Variants in PSD3 observed in about 807,000 individuals in gnomAD.
PSD3 encodes the protein pleckstrin and Sec7 domain containing 3.
PSD3 carries 49 observed loss-of-function variants against 105.5 expected under a neutral mutation model. That is an observed-to-expected ratio of 0.46 (90% CI 0.37 to 0.59). The LOEUF (loss-of-function observed/expected upper bound fraction) is 0.59. Ranked by LOEUF, PSD3 falls within the 20% of genes least tolerant of loss-of-function variation. The pLI is 0.00. For synonymous variants in PSD3, 557 were observed against 457.8 expected, an observed-to-expected ratio of 1.22 and a Z score of -2.77; for missense variants, 1,561 against 1,263.8, an observed-to-expected ratio of 1.24 and a Z score of -3.57.
intron 12 of PSD3, 75 bp from the exon 13 acceptor site, chr8:18,575,360 T>A: frequency 7.3e-7 from 1 of 1,373,194 alleles, no homozygotes; most frequent in Admixed American, 2.7e-5. Context: ...AAGCAAAAAC[T>A]AAAAAAATAG....
intron 9 of PSD3, among the ~76,000 whole-genome samples, chr8:18,743,058 T>C (rs1307353528): frequency 1.3e-5 from 2 of 152,230 alleles, no homozygotes; most frequent in South Asian, 4.1e-4. Context: ...TGGTTTTACT[T>C]AATAAATATT....
At chr8:19,024,483 C>G (rs1476895192) in intron 1 of PSD3, among the ~76,000 whole-genome samples, 1 of 152,112 alleles carries the variant, frequency 6.6e-6, no homozygotes, top group Non-Finnish European at 1.5e-5. Flanking sequence ...TGGGATAAAA[C>G]AAAATATATT....
At chr8:18,949,244 A>AAAAAAAAAATATATATATATAT (rs1345423514) in intron 1 of PSD3, among the ~76,000 whole-genome samples, 2 of 14,404 alleles carry the variant, frequency 1.4e-4, no homozygotes, top group Non-Finnish European at 3.6e-4. Flanking sequence ...AAAAAAAAAA[A>AAAAAAAAAATATATATATATAT]ATATATATAT....
At chr8:18,590,933 C>A (rs191504379) in intron 12 of PSD3, among the ~76,000 whole-genome samples, 1 of 152,004 alleles carries the variant, frequency 6.6e-6, no homozygotes, top group Non-Finnish European at 1.5e-5. Flanking sequence ...AAGAATAAGA[C>A]GCCAAAACTG....
chr8:18,618,929 G>A (rs533509897), intron 11 of PSD3, among the ~76,000 whole-genome samples: 2 of 152,178 alleles, frequency 1.3e-5, no homozygotes, highest in African/African-American at 4.8e-5. Context: ...CATGACCTTT[G>A]TGTCCAAAGA....
intron 11 of PSD3, among the ~76,000 whole-genome samples, chr8:18,632,376 T>C (rs762591220): frequency 6.6e-6 from 1 of 152,082 alleles, no homozygotes; most frequent in African/African-American, 2.4e-5. Context: ...AATGAATGGA[T>C]AGAGAATGAA....
chr8:18,801,784 C>T lies in PSD3; in HGVS notation c.1911-402G>A, dbSNP rs184808504. 2.4e-3 allele frequency among the ~76,000 whole-genome samples: 359 copies of T among 151,900 alleles called. 4 individuals are homozygous for T. Among genetic ancestry groups the T allele is most frequent in the African/African-American group, 8.3e-3 (342 of 41,434 alleles). ...CGGAGGTTGCAGTAAGCTGAGGTCG[C>T]GCCACTACACTCCAGCCTAGGCGAC... On this transcript the variant is annotated intron_variant, in intron 6 of 15. Transcript: ENST00000327040.
chr8:19,043,306 C>T (rs548006149), intron 1 of PSD3, among the ~76,000 whole-genome samples: 2 of 152,254 alleles, frequency 1.3e-5, no homozygotes, highest in South Asian at 4.1e-4. Context: ...GGTCAAAAAC[C>T]TTTCCATACA....
intron 2 of PSD3, among the ~76,000 whole-genome samples, chr8:18,916,602 G>A (rs776043539): frequency 6.6e-6 from 1 of 151,450 alleles, no homozygotes; most frequent in Non-Finnish European, 1.5e-5. Context: ...ATGAGGAGGT[G>A]TTGGTCAAAT....
intron 1 of PSD3, among the ~76,000 whole-genome samples, chr8:18,985,315 T>G (rs947254010): frequency 6.6e-6 from 1 of 152,174 alleles, no homozygotes; most frequent in East Asian, 1.9e-4. Context: ...TGTAAAATTA[T>G]GAGCCTTTGG....
chr8:18,702,100 G>T (rs765729713), intron 9 of PSD3, among the ~76,000 whole-genome samples: 2 of 152,184 alleles, frequency 1.3e-5, no homozygotes. Context: ...CAGATACTCC[G>T]ACTGATATTT....
At chr8:18,944,549 C>T (rs574045150) in intron 1 of PSD3, among the ~76,000 whole-genome samples, 7 of 150,860 alleles carry the variant, frequency 4.6e-5, no homozygotes, top group Admixed American at 3.3e-4. Flanking sequence ...CCAGCCTGGG[C>T]GACAGAGTGA....
At chr8:18,656,135 G>A (rs917129371) in intron 9 of PSD3, among the ~76,000 whole-genome samples, 2 of 152,106 alleles carry the variant, frequency 1.3e-5, no homozygotes, top group Non-Finnish European at 2.9e-5. Flanking sequence ...TTGGCTCACT[G>A]CAACCTCTGC....
Position 18,528,627 on chromosome 8 carries a change from ACT to A in PSD3, c.*7114_*7115del, listed in dbSNP as rs1799519830. 6.6e-6 allele frequency: 1 copy of A among 152,072 alleles called. No individual in the cohort carries two copies. Among genetic ancestry groups the A allele is most frequent in the Admixed American group, 6.6e-5 (1 of 15,260 alleles). The allele number at this position is 152,072 out of a possible 1,614,324, so 9.4% of individuals were successfully genotyped here. Reference sequence around the variant, plus strand: ...TTTGCAGAGATGATGTGTTATCACCACTCTCTGCAGGGCTCTGGTGTTCAGGA... The same window carrying A: ...TTTGCAGAGATGATGTGTTATCACCACTCTGCAGGGCTCTGGTGTTCAGGA... On this transcript the variant is annotated 3_prime_UTR_variant, in exon 16 of 16. Coordinates refer to ENST00000327040, the MANE Select transcript of PSD3 (RefSeq NM_015310.4).
At chr8:19,004,850 G>C (rs1308887854) in intron 1 of PSD3, among the ~76,000 whole-genome samples, 1 of 151,948 alleles carries the variant, frequency 6.6e-6, no homozygotes, top group Non-Finnish European at 1.5e-5. Flanking sequence ...ATGGGAGTTT[G>C]CCCACACAAG....
chr8:18,689,133 A>G (rs1033135583), intron 9 of PSD3, among the ~76,000 whole-genome samples: 1 of 152,218 alleles, frequency 6.6e-6, no homozygotes, highest in African/African-American at 2.4e-5. Context: ...AGTACCAGAG[A>G]AATGAACTCA....
intron 9 of PSD3, among the ~76,000 whole-genome samples, chr8:18,762,412 A>C (rs989390461): frequency 6.6e-6 from 1 of 152,186 alleles, no homozygotes; most frequent in African/African-American, 2.4e-5. Context: ...CATGATCAAA[A>C]TAAACCTCTG....
chr8:18,671,822 G>A (rs1472522836), intron 9 of PSD3, among the ~76,000 whole-genome samples: 2 of 152,106 alleles, frequency 1.3e-5, no homozygotes, highest in East Asian at 3.9e-4. Context: ...TAGTAGAGAT[G>A]GGGTTTCACC....
At chr8:18,966,037 G>A (rs189388005) in intron 1 of PSD3, among the ~76,000 whole-genome samples, 2 of 152,220 alleles carry the variant, frequency 1.3e-5, no homozygotes, top group East Asian at 3.9e-4. Flanking sequence ...ATATAAGATG[G>A]AAAAAACAAA....
Sources: allele counts gnomAD v4.1 joint callset (sites outside exome capture counted in the v4.1 genomes callset), GRCh38; gene constraint gnomAD v4.1.1; transcripts MANE v1.5; gene names NCBI Gene and HGNC (gene_info 2026-07-23, HGNC 2026-07-21).